The following CSGALNACT1 variants were observed in gnomAD, a reference collection of about 807,000 sequenced individuals.
CSGALNACT1 encodes beta4GalNAcT-1.
Under a neutral mutation model 51.0 loss-of-function variants are expected in CSGALNACT1, and 52 were observed. The observed-to-expected ratio is 1.02, with a 90% CI of 0.82 to 1.29. The LOEUF is 1.29. CSGALNACT1 is among the 50% of genes most tolerant of loss of function. The probability of loss-of-function intolerance (pLI) is 0.00; values close to 1 mark genes in which losing one functional copy is unlikely to be tolerated. For missense variants in CSGALNACT1, 935 were observed against 679.2 expected, an observed-to-expected ratio of 1.38 and a Z score of -4.19; for synonymous variants, 341 against 254.4, an observed-to-expected ratio of 1.34 and a Z score of -3.24.
Position 19,648,817 on chromosome 8 carries a change from C to T in CSGALNACT1, c.-544+33656G>A, listed in dbSNP as rs111984877. On this transcript the variant is annotated intron_variant, in intron 1 of 9. Transcript: ENST00000332246. Reference sequence around the variant, plus strand: ...TGGGACCCTGTCTCAAAGAAACAAACAAAAAGAATGTGAACACCTTAATGT... The same window carrying T: ...TGGGACCCTGTCTCAAAGAAACAAATAAAAAGAATGTGAACACCTTAATGT... Among the ~76,000 whole-genome samples the T allele has an allele frequency of 7.7e-3, 1,173 of 152,108 alleles. 8 individuals are homozygous for T. The highest frequency in any genetic ancestry group is 0.024 in the African/African-American group (988 of 41,504).
Position 19,469,328 on chromosome 8 carries a change from C to T in CSGALNACT1, c.635-10686G>A, listed in dbSNP as rs574199866. On this transcript the variant is annotated intron_variant, in intron 4 of 9. Coordinates refer to ENST00000454498, the Ensembl canonical transcript of CSGALNACT1. ...ATCCCTTGAGCCCAGGAGATCGAGGCTACAGTAAGCTGTGTGTGCACCACT... is the reference window on the plus strand; with the variant it reads ...ATCCCTTGAGCCCAGGAGATCGAGGTTACAGTAAGCTGTGTGTGCACCACT... Among the ~76,000 whole-genome samples the T allele has an allele frequency of 4.3e-3, 653 of 152,226 alleles. 2 individuals are homozygous for T. The highest frequency in any genetic ancestry group is 6.3e-3 in the Non-Finnish European group (431 of 68,000).
chr8:19,624,031 A>G (rs1157039756), intron 1 of CSGALNACT1, among the ~76,000 whole-genome samples: 1 of 152,206 alleles, frequency 6.6e-6, no homozygotes, highest in Non-Finnish European at 1.5e-5. Context: ...CTTCTATTTT[A>G]TAATGAGCAG....
chr8:19,662,613 C>G (rs775242053), intron 1 of CSGALNACT1, among the ~76,000 whole-genome samples: 1 of 152,194 alleles, frequency 6.6e-6, no homozygotes, highest in Non-Finnish European at 1.5e-5. Context: ...ATTATTTCCT[C>G]TTTGCTGATA....
chr8:19,736,516 CAAA>C (rs11310638), intron 1 of CSGALNACT1, among the ~76,000 whole-genome samples: 3 of 135,104 alleles, frequency 2.2e-5, no homozygotes, highest in Non-Finnish European at 1.6e-5. Context: ...GTCCCAAAAC[CAAA>C]AAAAAAAAAA....
chr8:19,539,780 C>A (rs1288437028), intron 3 of CSGALNACT1, among the ~76,000 whole-genome samples: 1 of 152,138 alleles, frequency 6.6e-6, no homozygotes, highest in African/African-American at 2.4e-5. Flanking sequence ...ATTCTCCACC[C>A]CCTTCCAGAG....
rs569463748 is a variant in CSGALNACT1 at position 19,469,585 on chromosome 8, T to G, written c.635-10943A>C. 3.9e-5 allele frequency among the ~76,000 whole-genome samples: 6 copies of G among 152,250 alleles called. No individual in the cohort carries two copies. The South Asian group carries it at 1.2e-3, about 32-fold the overall frequency. On this transcript the variant is annotated intron_variant, in intron 4 of 9. Coordinates refer to ENST00000454498, the Ensembl canonical transcript of CSGALNACT1. ...TTCAATTCCTTGAAAATGTCAAGTT[T>G]ATTCCCACTTCAGAACCTCTGCCCT... is the stretch of plus-strand genomic sequence containing the variant.
chr8:19,626,883 A>C (rs2054526226), intron 1 of CSGALNACT1, among the ~76,000 whole-genome samples: 1 of 152,234 alleles, frequency 6.6e-6, no homozygotes, highest in Non-Finnish European at 1.5e-5. Flanking sequence ...GAATGGCAAG[A>C]ATAAAAAATA....
chr8:19,537,321 C>T (rs949471159), intron 3 of CSGALNACT1, among the ~76,000 whole-genome samples: 1 of 152,128 alleles, frequency 6.6e-6, no homozygotes, highest in Non-Finnish European at 1.5e-5. Flanking sequence ...GCCAGTTTGT[C>T]TGACTCACAG....
Position 19,666,760 on chromosome 8 carries a change from G to GAAAGAAAGAAAGAAAGA in CSGALNACT1, c.-544+15712_-544+15713insTCTTTCTTTCTTTCTTT, listed in dbSNP as rs1554794191. The stretch of plus-strand genomic sequence containing the variant: ...AGAAACACAAGAAACAAGAAAGAAA[G>GAAAGAAAGAAAGAAAGA]AAGAAAGAAAGAAAGAAAGAAAGAA... On this transcript the variant is annotated intron_variant, in intron 1 of 9. Transcript: ENST00000332246. Among the ~76,000 whole-genome samples the GAAAGAAAGAAAGAAAGA allele has an allele frequency of 1.8e-4, 10 of 56,632 alleles. 3 individuals carry two copies. In the South Asian group the frequency reaches 2.0e-3, roughly 11 times the overall value. The allele number at this position is 56,632 out of a possible 152,430, so 37.2% of individuals were successfully genotyped here.
intron 1 of CSGALNACT1, among the ~76,000 whole-genome samples, chr8:19,667,556 G>A (rs1223456374): frequency 1.3e-5 from 2 of 152,180 alleles, no homozygotes; most frequent in Non-Finnish European, 1.5e-5. Context: ...AGTCAGTCGT[G>A]TTCCACCCCC....
rs373665559 is a variant in CSGALNACT1 at position 19,522,109 on chromosome 8, T to C, written c.-296-15979A>G. 2.2e-4 allele frequency among the ~76,000 whole-genome samples: 34 copies of C among 152,350 alleles called. No individual in the cohort carries two copies. The East Asian group carries it at 4.1e-3, about 18-fold the overall frequency. On this transcript the variant is annotated intron_variant, in intron 3 of 9. Coordinates refer to ENST00000454498, the Ensembl canonical transcript of CSGALNACT1. ...GAGGAGCACAGAAAGGCTTGTCTTA[T>C]AGAGTCCTCATGACGTACTCAGCAT...
At chr8:19,667,028 GAAGGAAGGAAGGAAGAAAGAAAGA>G (rs2059399793) in intron 1 of CSGALNACT1, among the ~76,000 whole-genome samples, 2 of 27,862 alleles carry the variant, frequency 7.2e-5, no homozygotes, top group Admixed American at 7.2e-4. Flanking sequence ...AGGAAGGAAG[GAAGGAAGGAAGGAAGAAAGAAAGA>G]AAGAAAGAAA....
chr8:19,543,334 G>A (rs184682224), intron 3 of CSGALNACT1, among the ~76,000 whole-genome samples: 17 of 152,306 alleles, frequency 1.1e-4, no homozygotes, highest in Admixed American at 6.5e-4. Flanking sequence ...AACATAGCAC[G>A]CCTGAGGCTT....
intron 2 of CSGALNACT1, among the ~76,000 whole-genome samples, chr8:19,596,723 C>G (rs1193572021): frequency 6.6e-6 from 1 of 151,936 alleles, no homozygotes; most frequent in Non-Finnish European, 1.5e-5. Flanking sequence ...AAAAATAAAG[C>G]TCAAACCATG....
At chr8:19,640,168 T>C (rs948497059) in intron 1 of CSGALNACT1, among the ~76,000 whole-genome samples, 39 of 152,138 alleles carry the variant, frequency 2.6e-4, no homozygotes, top group Admixed American at 1.6e-3. Flanking sequence ...AGTGAGCAAA[T>C]AGCTTATTAA....
At chr8:19,600,040 C>A (rs986585621) in intron 2 of CSGALNACT1, among the ~76,000 whole-genome samples, 8 of 152,152 alleles carry the variant, frequency 5.3e-5, no homozygotes, top group Non-Finnish European at 1.0e-4. Context: ...GAGCTTGCTC[C>A]ACCATGGTTC....
chr8:19,545,581 T>G (rs1223195152), intron 3 of CSGALNACT1, among the ~76,000 whole-genome samples: 2 of 152,020 alleles, frequency 1.3e-5, no homozygotes, highest in African/African-American at 2.4e-5. Flanking sequence ...GTATGGTGTT[T>G]CAAACATAAT....
Position 19,468,053 on chromosome 8 carries a change from G to C in CSGALNACT1, c.635-9411C>G, listed in dbSNP as rs1258994940. Among the ~76,000 whole-genome samples the C allele has an allele frequency of 5.3e-5, 8 of 152,176 alleles. No homozygotes were observed. The South Asian group carries it at 1.4e-3, about 28-fold the overall frequency. On this transcript the variant is annotated intron_variant, in intron 4 of 9. Coordinates refer to ENST00000454498, the Ensembl canonical transcript of CSGALNACT1. ...GCTTTCAGGATTCACATTCTAGAGA[G>C]AAAGACAGGTAAACAGAACAGGACT...
intron 3 of CSGALNACT1, among the ~76,000 whole-genome samples, chr8:19,520,748 C>T (rs765612442): frequency 9.2e-5 from 14 of 152,180 alleles, no homozygotes; most frequent in Non-Finnish European, 1.9e-4. Flanking sequence ...ATAATTATAA[C>T]CCCATGCTAT....
Sources: allele counts gnomAD v4.1 joint callset (sites outside exome capture counted in the v4.1 genomes callset), GRCh38; gene constraint gnomAD v4.1.1; transcripts MANE v1.5; gene names NCBI Gene and HGNC (gene_info 2026-07-23, HGNC 2026-07-21).